The following RPL5 variants were observed in gnomAD, a reference collection of about 807,000 sequenced individuals.
RPL5 encodes ribosomal protein L5, also known as large ribosomal subunit protein uL18.
A neutral mutation model predicts 38.4 loss-of-function variants in RPL5; 1 was observed. That is an observed-to-expected ratio of 0.03 (90% CI 0.01 to 0.12). The LOEUF (loss-of-function observed/expected upper bound fraction) is 0.12. RPL5 is among the 10% of genes least tolerant of loss of function. RPL5 has a pLI of 1.00. For synonymous variants in RPL5, 109 were observed against 121.2 expected (o/e 0.90, Z 0.66); for missense variants, 243 against 374.1 (o/e 0.65, Z 2.89).
intron 1 of RPL5, chr1:92,833,117 A>G (rs1302322673): frequency 1.5e-6 from 1 of 688,596 alleles, no homozygotes; most frequent in African/African-American, 1.8e-5. Context: ...TGTTAAATGT[A>G]ATAAATTGGG....
At position 92,836,376 on chromosome 1, in the gene RPL5, T is replaced by C. The variant is rs1262672077; in HGVS notation, c.511T>C (p.Leu171=). The C allele has an allele frequency of 6.2e-7, 1 of 1,614,032 alleles. No individual in the cohort carries two copies. The highest frequency in any genetic ancestry group is 1.3e-5 in the African/African-American group (1 of 75,044). ...CCTGAAGGGAGCTGTGGATGGAGGC[T>C]TGTCTATCCCTCACAGGTAAGAATA... ...GALKGAVDGG[L]SIPHSTKRFP... The change falls in exon 5 of 8, where the codon TTG becomes CTG. Residue 171 remains leucine, a synonymous_variant. Coordinates refer to ENST00000370321, the MANE Select transcript of RPL5 (RefSeq NM_000969.5).
intron 3 of RPL5, 190 bp downstream of exon 3, chr1:92,833,850 C>T (rs964675700): frequency 2.4e-5 from 14 of 593,632 alleles, no homozygotes; most frequent in Non-Finnish European, 2.4e-5. Context: ...CTCTTGGTTG[C>T]GCTCATGCCT....
chr1:92,835,015 C>G, intron 4 of RPL5, 102 bp downstream of exon 4: 1 of 1,520,314 alleles, frequency 6.6e-7, no homozygotes, highest in African/African-American at 1.4e-5. Context: ...AGTTGTGCTT[C>G]AGGAGAGTGC....
chr1:92,832,818 ACTG>A, intron 1 of RPL5: 1 of 584,106 alleles, frequency 1.7e-6, no homozygotes, highest in Non-Finnish European at 3.1e-6. Flanking sequence ...TGGGGGAATT[ACTG>A]CTGAATGTGC....
chr1:92,833,105 C>T (rs943262792), intron 1 of RPL5: 9 of 700,144 alleles, frequency 1.3e-5, no homozygotes, highest in African/African-American at 8.8e-5. Flanking sequence ...TAATTTTATA[C>T]CTGTTAAATG....
rs376799301 is a variant in RPL5, at chr1:92,836,065, G to C, written c.325-125G>C. ...CATGAGCAAGTGGATCTGGTGAAAG[G>C]GTGGGTGTGGAAGGAAATTTTCTTT... On this transcript the variant is annotated intron_variant, in intron 4 of 7. Coordinates refer to ENST00000370321, the MANE Select transcript of RPL5 (RefSeq NM_000969.5). 42 of 825,452 alleles carry C rather than the reference G, an allele frequency of 5.1e-5. No individual in the cohort carries two copies. In the African/African-American group the frequency reaches 5.4e-4, roughly 11 times the overall value. The allele number at this position is 825,452 out of a possible 1,614,324, so 51.1% of individuals were successfully genotyped here.
rs1171154965 is a variant in RPL5, at chr1:92,836,172, C to T, written c.325-18C>T. ...TTTGAATAATTGAAACCAGCATTTACATTGGTTTCTTGAATAGCTTCTCAA... is the reference window on the plus strand; with the variant it reads ...TTTGAATAATTGAAACCAGCATTTATATTGGTTTCTTGAATAGCTTCTCAA... On this transcript the variant is annotated intron_variant, in intron 4 of 7. Coordinates refer to ENST00000370321, the MANE Select transcript of RPL5 (RefSeq NM_000969.5). 1.2e-6 allele frequency: 2 copies of T among 1,601,514 alleles called. No individual in the cohort carries two copies. Among genetic ancestry groups the T allele is most frequent in the South Asian group, 1.1e-5 (1 of 90,800 alleles).
At chr1:92,835,478 C>T (rs967678674) in intron 4 of RPL5, among the ~76,000 whole-genome samples, 1 of 151,054 alleles carries the variant, frequency 6.6e-6, no homozygotes, top group Non-Finnish European at 1.5e-5. Flanking sequence ...CATGGTGAAG[C>T]CCTGTCTCTA....
Position 92,833,648 on chromosome 1 carries a change from T to G in RPL5, c.177T>G (p.Asp59Glu). 6.2e-7 allele frequency: 1 copy of G among 1,610,472 alleles called. No homozygotes were observed. Residue 59 changes from aspartate to glutamate, a missense_variant, in exon 3 of 8, where the codon GAT (aspartate) becomes GAG (glutamate). Physicochemically the swap from Asp to Glu is conservative, Grantham distance 45 (BLOSUM62 2). Transcript: ENST00000370321. ...TGATAGTTCGTGTGACAAACAGAGA[T>G]ATCATTTGTCAGGTAAGTTGTATTC... The part of the protein sequence containing the change: ...YRMIVRVTNR[D>E]IICQIAYARI...
In RPL5 at chr1:92,832,064, TG is replaced by T; in HGVS notation, c.-48del. On this transcript the variant is annotated 5_prime_UTR_variant, in exon 1 of 8. Coordinates refer to ENST00000370321, the MANE Select transcript of RPL5 (RefSeq NM_000969.5). ...CCCTTTTCCCACCCCCTAGCGCCGCTGGGCCTGCAGGTCTCTGTCGAGCAGC... is the reference window on the plus strand; with the variant it reads ...CCCTTTTCCCACCCCCTAGCGCCGCTGGCCTGCAGGTCTCTGTCGAGCAGC... 6.2e-7 allele frequency: 1 copy of T among 1,613,138 alleles called. No individual in the cohort carries two copies. Among genetic ancestry groups the T allele is most frequent in the Non-Finnish European group, 8.5e-7 (1 of 1,179,624 alleles).
chr1:92,833,088 A>G (rs374703782), intron 1 of RPL5: 29 of 708,882 alleles, frequency 4.1e-5, no homozygotes, highest in African/African-American at 3.8e-4. Flanking sequence ...TGAAAGCAAT[A>G]TAACAATAAT....
intron 1 of RPL5, 182 bp downstream of exon 1, chr1:92,832,299 C>CT: frequency 1.1e-6 from 1 of 932,686 alleles, no homozygotes; most frequent in Non-Finnish European, 1.7e-6. Flanking sequence ...GGTGCGCGAA[C>CT]TTGGGGGGAG....
rs182018447 is a variant in RPL5, at chr1:92,834,024, G to A, written c.189+364G>A. The A allele has an allele frequency of 3.2e-4, 100 of 308,128 alleles. No homozygotes were observed. In the East Asian group the frequency reaches 7.1e-3, roughly 22 times the overall value. 19.1% of individuals were successfully genotyped at this position (308,128 alleles called of 1,614,324 possible). On this transcript the variant is annotated intron_variant, in intron 3 of 7. Coordinates refer to ENST00000370321, the MANE Select transcript of RPL5 (RefSeq NM_000969.5). ...TCAGTGGGAGGATTGTTTGAGCCCC[G>A]AGGTTGAGGCTGCAGTGAAGTGAGA...
At chr1:92,841,593 A>AAGTT (rs1257198166) in intron 7 of RPL5, among the ~76,000 whole-genome samples, 173 bp from the exon 8 acceptor site, 1 of 152,180 alleles carries the variant, frequency 6.6e-6, no homozygotes, top group Non-Finnish European at 1.5e-5. Context: ...GGGTTTGGGA[A>AAGTT]AGTTAGCTTA....
chr1:92,832,824 G>C (rs1686962261), intron 1 of RPL5: 1 of 590,818 alleles, frequency 1.7e-6, no homozygotes, highest in Admixed American at 3.0e-5. Context: ...AATTACTGCT[G>C]AATGTGCTCT....
At position 92,834,161 on chromosome 1, in the gene RPL5, A is replaced by G. The variant is rs186233914; in HGVS notation, c.189+501A>G. Among the ~76,000 whole-genome samples the G allele has an allele frequency of 3.3e-3, 502 of 152,324 alleles. 3 individuals are homozygous for G. Among genetic ancestry groups the G allele is most frequent in the African/African-American group, 0.011 (472 of 41,562 alleles). On this transcript the variant is annotated intron_variant, in intron 3 of 7. Transcript: ENST00000370321. ...AGAAGTTCTTGCCCATCCCAATTCC[A>G]GTAGAAGAATAGGGTTTGTCCTGAT...
Position 92,832,064 on chromosome 1 carries a change from T to C in RPL5, c.-51T>C. On this transcript the variant is annotated 5_prime_UTR_variant, in exon 1 of 8. Transcript: ENST00000370321. ...CCCTTTTCCCACCCCCTAGCGCCGC[T>C]GGGCCTGCAGGTCTCTGTCGAGCAG... 6.2e-7 allele frequency: 1 copy of C among 1,613,138 alleles called. No individual in the cohort carries two copies. Among genetic ancestry groups the C allele is most frequent in the Non-Finnish European group, 8.5e-7 (1 of 1,179,624 alleles).
rs549414340 is a variant in RPL5, at chr1:92,832,875, A to G, written c.4-514A>G. On this transcript the variant is annotated intron_variant, in intron 1 of 7. Coordinates refer to ENST00000370321, the MANE Select transcript of RPL5 (RefSeq NM_000969.5). ...TGTGGCAGGTAATTTAGGCTTTTGA[A>G]AAACATAACATGGGAAGCGAGAGAG... The G allele has an allele frequency of 1.1e-4, 68 of 627,070 alleles. 1 individual carries two copies. The East Asian group carries it at 1.9e-3, about 17-fold the overall frequency. The allele number at this position is 627,070 out of a possible 1,614,324, so 38.8% of individuals were successfully genotyped here.
At chr1:92,833,357 C>A (rs1558283762) in intron 1 of RPL5, 32 bp from the exon 2 acceptor site, 1 of 1,549,654 alleles carries the variant, frequency 6.5e-7, no homozygotes, top group Non-Finnish European at 8.9e-7. Context: ...GCTAAGACAT[C>A]AAAGTTTTAA....
Sources: allele counts gnomAD v4.1 joint callset (sites outside exome capture counted in the v4.1 genomes callset), GRCh38; gene constraint gnomAD v4.1.1; transcripts MANE v1.5; gene names NCBI Gene and HGNC (gene_info 2026-07-23, HGNC 2026-07-21).